Variants in ZNF57 observed in about 807,000 individuals in gnomAD.
ZNF57 encodes the protein zinc finger protein 424.
ZNF57 carries 11 observed loss-of-function variants against 13.4 expected under a neutral mutation model. That is an observed-to-expected ratio of 0.82 (90% CI 0.52 to 1.36). The LOEUF (loss-of-function observed/expected upper bound fraction) is 1.36, where lower values mean the gene tolerates loss of function less well. ZNF57 is among the 40% of genes most tolerant of loss of function. The probability of loss-of-function intolerance (pLI) is 0.00; values close to 1 mark genes in which losing one functional copy is unlikely to be tolerated. For synonymous variants in ZNF57, 224 were observed against 238.5 expected (o/e 0.94, Z 0.56); for missense variants, 696 against 667.5 (o/e 1.04, Z -0.47).
intron 1 of ZNF57, among the ~76,000 whole-genome samples, chr19:2,912,534 T>C (rs2088148243): frequency 1.3e-5 from 2 of 152,188 alleles, no homozygotes; most frequent in Non-Finnish European, 2.9e-5. Flanking sequence ...GTTATGACTC[T>C]CTGTATCCGC....
intron 1 of ZNF57, among the ~76,000 whole-genome samples, chr19:2,910,182 G>C (rs1216468575): frequency 2.1e-5 from 1 of 48,212 alleles, no homozygotes; most frequent in African/African-American, 4.7e-5. Flanking sequence ...TGCACATTTT[G>C]TTAGATTTAT....
At chr19:2,913,254 G>C (rs2088157016) in intron 1 of ZNF57, among the ~76,000 whole-genome samples, 2 of 152,076 alleles carry the variant, frequency 1.3e-5, no homozygotes, top group South Asian at 4.1e-4. Flanking sequence ...TGCTAAATCA[G>C]TTTTGTTTGA....
intron 1 of ZNF57, among the ~76,000 whole-genome samples, chr19:2,909,275 A>ATTTTTTTTTTTTTTTTTTT (rs1258331033): frequency 1.6e-4 from 17 of 103,788 alleles, no homozygotes; most frequent in Non-Finnish European, 2.9e-4. Flanking sequence ...TATTTTATTT[A>ATTTTTTTTTTTTTTTTTTT]TTTTTGTTTT....
chr19:2,918,241 C>T lies in ZNF57; in HGVS notation c.1620C>T (p.Ala540=), dbSNP rs1174909823. 3.1e-6 allele frequency: 5 copies of T among 1,612,356 alleles called. No homozygotes were observed. The African/African-American group carries it at 6.7e-5, about 22-fold the overall frequency. Residue 540 remains alanine (A), a synonymous_variant, in exon 4 of 4, where the codon GCC becomes GCT. Transcript: ENST00000306908. ...ACGAATGTCAGTCATACTCAAAAGC[C>T]TTCAGTTGCCAAGTCATTCTTTCTA... ...KSHECQSYSK[A]FSCQVILSKT...
At chr19:2,911,603 CTTG>C (rs2088137364) in intron 1 of ZNF57, among the ~76,000 whole-genome samples, 1 of 152,190 alleles carries the variant, frequency 6.6e-6, no homozygotes, top group Non-Finnish European at 1.5e-5. Flanking sequence ...CCAGACTGGT[CTTG>C]AACTCCTGGC....
In ZNF57 at chr19:2,916,114, C is replaced by A. The variant is rs143620899; in HGVS notation, c.167C>A (p.Ser56Tyr). 6.2e-6 allele frequency: 10 copies of A among 1,611,638 alleles called. No homozygotes were observed. In the African/African-American group the frequency reaches 1.3e-4, roughly 22 times the overall value. ...GTQFKANGSV[S>Y]LQDMYGQEKS... ...CAATTTAAAGCCAATGGGTCAGTTT[C>A]TCTGCAGGATATGTACGGGCAAGAA... Residue 56 changes from serine to tyrosine, a missense_variant, in exon 3 of 4, where the codon TCT (serine) becomes TAT (tyrosine). Physicochemically the swap from Ser to Tyr is moderately radical, Grantham distance 144. Around this residue, in one of 3 missense-constraint regions of ZNF57, gnomAD observed 8 missense variants for 22.4 expected, o/e 0.36. Transcript: ENST00000306908.
Position 2,918,428 on chromosome 19 carries a change from T to C in ZNF57, c.*139T>C, listed in dbSNP as rs1599607114. ...CTCATTTGTAAAACAGACCCATTAG[T>C]CGTGAATTTCCAGCTCTTTCAAAAA... On this transcript the variant is annotated 3_prime_UTR_variant, in exon 4 of 4. Coordinates refer to ENST00000306908, the MANE Select transcript of ZNF57 (RefSeq NM_173480.3). 1 of 916,360 alleles carries C rather than the reference T, an allele frequency of 1.1e-6. No individual in the cohort carries two copies. The highest frequency in any genetic ancestry group is 2.6e-5 in the East Asian group (1 of 37,804). The allele number at this position is 916,360 out of a possible 1,614,324, so 56.8% of individuals were successfully genotyped here. A position where few individuals can be genotyped will look rare whatever the true frequency, so the allele number is the denominator to read the frequency against.
intron 1 of ZNF57, among the ~76,000 whole-genome samples, chr19:2,908,802 A>T (rs757872617): frequency 9.3e-5 from 14 of 150,470 alleles, no homozygotes; most frequent in Non-Finnish European, 1.9e-4. Context: ...TTCAGTTATC[A>T]CTCTCCTATT....
At chr19:2,904,946 A>G (rs1368463303) in intron 1 of ZNF57, among the ~76,000 whole-genome samples, 2 of 152,162 alleles carry the variant, frequency 1.3e-5, no homozygotes, top group African/African-American at 4.8e-5. Flanking sequence ...TGTCATTCAC[A>G]GTGAGATGTG....
intron 1 of ZNF57, among the ~76,000 whole-genome samples, chr19:2,909,266 AT>A (rs2088108005): frequency 8.9e-5 from 11 of 123,582 alleles, no homozygotes; most frequent in East Asian, 7.4e-4. Context: ...AATAGATTTT[AT>A]TTTATTTATT....
At chr19:2,903,741 G>T (rs981045999) in intron 1 of ZNF57, among the ~76,000 whole-genome samples, 21 of 147,236 alleles carry the variant, frequency 1.4e-4, no homozygotes, top group African/African-American at 4.3e-4. Context: ...TTCAGGCAGG[G>T]TCTTACTCTG....
intron 1 of ZNF57, among the ~76,000 whole-genome samples, chr19:2,901,797 G>A (rs1233796988): frequency 1.3e-5 from 2 of 152,212 alleles, no homozygotes; most frequent in African/African-American, 4.8e-5. Flanking sequence ...GATTACAGGC[G>A]TGAGCCACCG....
Position 2,917,400 on chromosome 19 carries a change from C to T in ZNF57, c.779C>T (p.Ala260Val), listed in dbSNP as rs1366771174. 1.2e-6 allele frequency: 2 copies of T among 1,614,046 alleles called. No homozygotes were observed. Among genetic ancestry groups the T allele is most frequent in the Admixed American group, 1.7e-5 (1 of 59,986 alleles). Residue 260 changes from alanine to valine, a missense_variant, in exon 4 of 4, where the codon GCC (alanine) becomes GTC (valine). Ala to Val is a moderately conservative substitution (Grantham distance 64, BLOSUM62 0). This residue lies in a region of ZNF57 where 645 missense variants were observed against 591.5 expected (regional missense o/e 1.09). Coordinates refer to ENST00000306908, the MANE Select transcript of ZNF57 (RefSeq NM_173480.3). ...TATAAATGTCAGGAATGTGGGAGAG[C>T]CTTCATTTATCCCTCGACATTTCAA... is the stretch of plus-strand genomic sequence containing the variant. ...RPYKCQECGRAFIYPSTFQRH... is the reference protein window; with the variant it reads ...RPYKCQECGRVFIYPSTFQRH...
At chr19:2,902,990 C>A (rs1269289716) in intron 1 of ZNF57, among the ~76,000 whole-genome samples, 1 of 152,186 alleles carries the variant, frequency 6.6e-6, no homozygotes, top group Admixed American at 6.5e-5. Flanking sequence ...TGAGCCTGCA[C>A]TGGAGGCCGC....
At chr19:2,905,411 C>G (rs2088064873) in intron 1 of ZNF57, among the ~76,000 whole-genome samples, 1 of 68,096 alleles carries the variant, frequency 1.5e-5, no homozygotes, top group African/African-American at 4.9e-5. Flanking sequence ...GTGATCGCCC[C>G]CCCCCCCTCG....
At chr19:2,907,858 C>A (rs1055317222) in intron 1 of ZNF57, among the ~76,000 whole-genome samples, 7 of 152,154 alleles carry the variant, frequency 4.6e-5, no homozygotes, top group African/African-American at 1.4e-4. Flanking sequence ...CAGGCACATG[C>A]CATCATGCCT....
chr19:2,917,068 C>T lies in ZNF57; in HGVS notation c.447C>T (p.Phe149=). The change falls in exon 4 of 4, where the codon TTC becomes TTT. Residue 149 remains phenylalanine, a synonymous_variant. Transcript: ENST00000306908. The stretch of plus-strand genomic sequence containing the variant: ...AATGCACCAAGTGCAGGACAGTCTT[C>T]ACGCATCTTTCTTCTCTTAAAAGGC... ...PYECTKCRTV[F]THLSSLKRHV... is the part of the protein sequence containing the mutation. 6.2e-7 allele frequency: 1 copy of T among 1,614,200 alleles called. No homozygotes were observed. Among genetic ancestry groups the T allele is most frequent in the Non-Finnish European group, 8.5e-7 (1 of 1,180,030 alleles).
chr19:2,903,184 C>A (rs2088043366), intron 1 of ZNF57, among the ~76,000 whole-genome samples: 1 of 149,586 alleles, frequency 6.7e-6, no homozygotes, highest in African/African-American at 2.4e-5. Context: ...TGTCTTGGAG[C>A]CGTTTCTAAG....
intron 1 of ZNF57, among the ~76,000 whole-genome samples, chr19:2,906,747 G>A (rs1042902837): frequency 3.9e-5 from 6 of 152,176 alleles, no homozygotes; most frequent in African/African-American, 1.4e-4. Flanking sequence ...GACTGTCCTC[G>A]GGGGATGGGC....
Sources: gnomAD v4.1 joint callset for allele counts (sites outside exome capture counted in the v4.1 genomes callset) on GRCh38, gnomAD v4.1.1 for gene constraint, gnomAD v4.1.1 regional missense constraint, MANE v1.5 for transcripts, NCBI Gene and HGNC (gene_info 2026-07-23, HGNC 2026-07-21) for gene names.